Variants in LRRFIP2 observed in about 807,000 individuals in gnomAD.
The protein encoded by LRRFIP2 is leucine-rich repeat flightless-interacting protein 2.
A neutral mutation model predicts 125.9 loss-of-function variants in LRRFIP2; 109 were observed. The observed-to-expected ratio is 0.87, with a 90% CI of 0.74 to 1.01. The LOEUF (loss-of-function observed/expected upper bound fraction) is 1.01, where lower values mean the gene tolerates loss of function less well. LRRFIP2 is among the 50% of genes least tolerant of loss of function. The pLI is 0.00. For synonymous variants in LRRFIP2, 291 were observed against 293.1 expected, an observed-to-expected ratio of 0.99 and a Z score of 0.07; for missense variants, 850 against 862.3, an observed-to-expected ratio of 0.99 and a Z score of 0.18.
At position 37,058,867 on chromosome 3, in the gene LRRFIP2, C is replaced by T. The variant is rs1158511789; in HGVS notation, c.1793G>A (p.Cys598Tyr). The stretch of plus-strand genomic sequence containing the variant: ...ACCCACTGTGCCATCATTCCTGGAG[C>T]ATTTCTGTCGTTCCTCCTCTAACTG... The part of the protein sequence containing the change: ...KLQLEEERQK[C>Y]SRNDGTVGDL... Residue 598 changes from cysteine (C) to tyrosine (Y), a missense_variant, in exon 25 of 28, where the codon TGC (cysteine) becomes TAC (tyrosine). Transcript: ENST00000336686. 3.1e-6 allele frequency: 5 copies of T among 1,613,946 alleles called. No individual in the cohort carries two copies. The highest frequency in any genetic ancestry group is 3.4e-6 in the Non-Finnish European group (4 of 1,179,948).
chr3:37,159,987 C>A (rs192017755), intron 1 of LRRFIP2, among the ~76,000 whole-genome samples: 1 of 61,918 alleles, frequency 1.6e-5, no homozygotes, highest in Non-Finnish European at 2.8e-5. Context: ...AAGCCCTATG[C>A]GCAAAAAAAA....
At position 37,058,909 on chromosome 3, in the gene LRRFIP2, A is replaced by G. The variant is rs764534634; in HGVS notation, c.1751T>C (p.Ile584Thr). The G allele has an allele frequency of 6.2e-7, 1 of 1,613,718 alleles. No homozygotes were observed. Among genetic ancestry groups the G allele is most frequent in the African/African-American group, 1.3e-5 (1 of 75,032 alleles). ...AGEKEELLSQ[I>T]RKLKLQLEEE... Reference sequence around the variant, plus strand: ...CTCTAACTGAAGCTTCAGTTTTCTAATCTGAAATGAAAATAAAGGTTCATC... The same window carrying G: ...CTCTAACTGAAGCTTCAGTTTTCTAGTCTGAAATGAAAATAAAGGTTCATC... Residue 584 changes from isoleucine to threonine, a missense_variant and splice_region_variant, in exon 25 of 28, where the codon ATT becomes ACT. Coordinates refer to ENST00000336686, the MANE Select transcript of LRRFIP2 (RefSeq NM_006309.4).
At chr3:37,174,597 T>G (rs939634744), upstream of LRRFIP2, 1 of 152,014 alleles carries the variant, frequency 6.6e-6, no homozygotes, top group Non-Finnish European at 1.5e-5. Context: ...TTCATTTATC[T>G]TCCCACATCT....
Position 37,055,243 on chromosome 3 carries a change from C to T in LRRFIP2, c.1871-78G>A. 6 of 809,030 alleles carry T rather than the reference C, an allele frequency of 7.4e-6. No individual in the cohort carries two copies. The South Asian group carries it at 8.8e-5, about 12-fold the overall frequency. 50.1% of individuals were successfully genotyped at this position (809,030 alleles called of 1,614,324 possible). On this transcript the variant is annotated intron_variant, in intron 25 of 27. Transcript: ENST00000336686. ...GAGCCATCAGGCAGTACCTCTGTGG[C>T]ACAGAGAGGACCATGCAGTCTTAAG...
chr3:37,153,198 A>G (rs531206496), intron 1 of LRRFIP2, among the ~76,000 whole-genome samples: 1 of 152,112 alleles, frequency 6.6e-6, no homozygotes, highest in East Asian at 1.9e-4. Context: ...GGAGTTTGAG[A>G]CCAGCCTGGG....
chr3:37,071,839 G>A (rs1025792904), intron 21 of LRRFIP2, among the ~76,000 whole-genome samples: 2 of 152,190 alleles, frequency 1.3e-5, no homozygotes, highest in Non-Finnish European at 2.9e-5. Context: ...TCAGCCAGGT[G>A]ATGGGACTGC....
chr3:37,070,637 G>A (rs1434237905), intron 21 of LRRFIP2, among the ~76,000 whole-genome samples: 1 of 152,098 alleles, frequency 6.6e-6, no homozygotes, highest in Non-Finnish European at 1.5e-5. Flanking sequence ...TCAGGAGGCT[G>A]AGGCAGGAGA....
At chr3:37,072,224 G>C (rs1055934525) in intron 21 of LRRFIP2, among the ~76,000 whole-genome samples, 20 of 152,134 alleles carry the variant, frequency 1.3e-4, no homozygotes, top group African/African-American at 4.6e-4. Context: ...AGGGAGGCCA[G>C]GCATGGTGGC....
chr3:37,077,226 G>GT (rs1246041552), intron 19 of LRRFIP2, among the ~76,000 whole-genome samples: 1 of 152,192 alleles, frequency 6.6e-6, no homozygotes, highest in Non-Finnish European at 1.5e-5. Flanking sequence ...GACCTATGCA[G>GT]TATGTTATTT....
rs1243871312 is a variant in LRRFIP2, at chr3:37,053,293, C to CAA, written c.*556_*557dup. On this transcript the variant is annotated 3_prime_UTR_variant, in exon 28 of 28. Transcript: ENST00000336686. ...TTCTTATATAAATTTAAATATTTTA[C>CAA]AAAAAAAGGCTTTTTTCCTCCAAAC... 1 of 152,310 alleles carries CAA rather than the reference C, an allele frequency of 6.6e-6. No individual in the cohort carries two copies. The highest frequency in any genetic ancestry group is 1.5e-5 in the Non-Finnish European group (1 of 67,994). The allele number at this position is 152,310 out of a possible 1,614,324, so 9.4% of individuals were successfully genotyped here. A position where few individuals can be genotyped will look rare whatever the true frequency, so the allele number is the denominator to read the frequency against.
chr3:37,097,996 T>A (rs942904650), intron 15 of LRRFIP2, among the ~76,000 whole-genome samples: 1 of 152,198 alleles, frequency 6.6e-6, no homozygotes, highest in Non-Finnish European at 1.5e-5. Flanking sequence ...CAGTTAATTA[T>A]TAAAACATGA....
chr3:37,067,116 A>G (rs931582253), intron 21 of LRRFIP2: 3 of 152,278 alleles, frequency 2.0e-5, no homozygotes, highest in African/African-American at 7.2e-5. Context: ...AACAGAAGGG[A>G]TAATAGCACC....
At chr3:37,166,976 T>C (rs934624306) in intron 1 of LRRFIP2, among the ~76,000 whole-genome samples, 10 of 151,404 alleles carry the variant, frequency 6.6e-5, no homozygotes, top group African/African-American at 1.7e-4. Flanking sequence ...GATAGCGCCA[T>C]TGCACTCCAG....
At chr3:37,127,921 T>C (rs2095326776) in intron 3 of LRRFIP2, among the ~76,000 whole-genome samples, 1 of 152,162 alleles carries the variant, frequency 6.6e-6, no homozygotes, top group East Asian at 1.9e-4. Flanking sequence ...CACTTATTTA[T>C]TTATTTATTT....
chr3:37,065,055 C>A (rs926588798), intron 23 of LRRFIP2: 5 of 153,108 alleles, frequency 3.3e-5, no homozygotes. Context: ...GTATCTCTCA[C>A]TCCTCTAAGA....
At chr3:37,091,863 C>T (rs974532753) in intron 17 of LRRFIP2, among the ~76,000 whole-genome samples, 1 of 152,120 alleles carries the variant, frequency 6.6e-6, no homozygotes, top group Non-Finnish European at 1.5e-5. Context: ...TAAAATCATA[C>T]AACTTTTAAT....
At chr3:37,102,686 G>C (rs766458783) in intron 15 of LRRFIP2, among the ~76,000 whole-genome samples, 16 of 151,740 alleles carry the variant, frequency 1.1e-4, no homozygotes, top group Non-Finnish European at 1.9e-4. Context: ...ATTTTTAATA[G>C]AGACAGAGTT....
chr3:37,112,334 C>CAAAAAAAAAAAAAAAAAAAA (rs1408342199), intron 8 of LRRFIP2, among the ~76,000 whole-genome samples: 2 of 72,992 alleles, frequency 2.7e-5, no homozygotes, highest in African/African-American at 4.9e-5. Flanking sequence ...GACTCCATCT[C>CAAAAAAAAAAAAAAAAAAAA]AAAAAAAGAA....
At chr3:37,173,650 T>C (rs565018832) in intron 1 of LRRFIP2, among the ~76,000 whole-genome samples, 2 of 152,308 alleles carry the variant, frequency 1.3e-5, no homozygotes, top group African/African-American at 4.8e-5. Flanking sequence ...GACAGAAGAA[T>C]TTTATTTCCT....
Sources: allele counts gnomAD v4.1 joint callset (sites outside exome capture counted in the v4.1 genomes callset), GRCh38; gene constraint gnomAD v4.1.1; transcripts MANE v1.5; gene names NCBI Gene and HGNC (gene_info 2026-07-23, HGNC 2026-07-21).